DPP6: variants seen among roughly 807,000 people sequenced by gnomAD.
DPP6 encodes the protein dipeptidyl peptidase like 6.
In DPP6, 69 loss-of-function variants were observed where a neutral mutation model predicts 122.6. The observed-to-expected ratio is 0.56, with a 90% CI of 0.46 to 0.69. The LOEUF is 0.69. DPP6 is among the 30% of genes least tolerant of loss of function. The pLI is 0.00. For synonymous variants in DPP6, 418 were observed against 433.1 expected, an observed-to-expected ratio of 0.97 and a Z score of 0.43; for missense variants, 928 against 1,116.9, an observed-to-expected ratio of 0.83 and a Z score of 2.41.
intron 16 of DPP6, among the ~76,000 whole-genome samples, chr7:154,841,793 A>G (rs183045892): frequency 6.6e-6 from 1 of 152,088 alleles, no homozygotes; most frequent in Admixed American, 6.5e-5. Flanking sequence ...GGACTGCTGT[A>G]TGGGAAATAG....
intron 7 of DPP6, among the ~76,000 whole-genome samples, chr7:154,692,771 T>TTC (rs899797900): frequency 2.8e-5 from 4 of 144,454 alleles, no homozygotes; most frequent in African/African-American, 8.4e-5. Flanking sequence ...AAAACTATTA[T>TTC]TCTCTCTCTC....
At chr7:154,753,185 G>A (rs1843484361) in intron 8 of DPP6, among the ~76,000 whole-genome samples, 1 of 152,154 alleles carries the variant, frequency 6.6e-6, no homozygotes, top group Non-Finnish European at 1.5e-5. Flanking sequence ...TTTCTTTGGT[G>A]CTAAATTGTC....
intron 7 of DPP6, among the ~76,000 whole-genome samples, chr7:154,674,688 G>A (rs1177725709): frequency 3.3e-5 from 5 of 152,236 alleles, no homozygotes; most frequent in African/African-American, 1.2e-4. Flanking sequence ...CCATTGGGAA[G>A]TCTTCAACGC....
In DPP6 at chr7:154,176,044, G is replaced by A. The variant is rs138779032; in HGVS notation, c.243+122981G>A. ...TATGACCAAAACTGTCTATGTGCAG[G>A]GTCCCCAGCTGAAGTGGATACATAT... On this transcript the variant is annotated intron_variant, in intron 1 of 25. Coordinates refer to ENST00000377770, the MANE Select transcript of DPP6 (RefSeq NM_130797.4). 6.1e-3 allele frequency among the ~76,000 whole-genome samples: 933 copies of A among 152,150 alleles called. 12 individuals are homozygous for A. Among genetic ancestry groups the A allele is most frequent in the African/African-American group, 0.021 (888 of 41,474 alleles).
intron 8 of DPP6, among the ~76,000 whole-genome samples, chr7:154,758,238 G>A (rs926762579): frequency 3.3e-5 from 5 of 152,306 alleles, no homozygotes; most frequent in Admixed American, 3.3e-4. Context: ...GTGTCAGTCA[G>A]GGCCGGGAAA....
rs1430748090 is a variant in DPP6 at position 154,755,159 on chromosome 7, A to G, written c.884-14258A>G. Among the ~76,000 whole-genome samples, 3 of 151,670 alleles carry G rather than the reference A, an allele frequency of 2.0e-5. No individual in the cohort carries two copies. Among genetic ancestry groups the G allele is most frequent in the Non-Finnish European group, 4.4e-5 (3 of 67,916 alleles). On this transcript the variant is annotated intron_variant, in intron 8 of 25. Coordinates refer to ENST00000377770, the MANE Select transcript of DPP6 (RefSeq NM_130797.4). This position sits in a 1 kb window ranked among gnomAD's most constrained non-coding sequence, Gnocchi z 4.7. ...AAAGTAAAATAAATTAAAAAAAAAAAAAAAAGAAACTGAACACATGTCAGG... is the reference window on the plus strand; with the variant it reads ...AAAGTAAAATAAATTAAAAAAAAAAGAAAAAGAAACTGAACACATGTCAGG...
chr7:154,176,538 A>G lies in DPP6; in HGVS notation c.243+123475A>G, dbSNP rs528363273. Among the ~76,000 whole-genome samples, 149 of 152,374 alleles carry G rather than the reference A, an allele frequency of 9.8e-4. 1 individual carries two copies. Among genetic ancestry groups the G allele is most frequent in the African/African-American group, 3.5e-3 (144 of 41,596 alleles). On this transcript the variant is annotated intron_variant, in intron 1 of 25. Coordinates refer to ENST00000377770, the MANE Select transcript of DPP6 (RefSeq NM_130797.4). ...GTGTGTTTGGTGAAACTTTTGTTTC[A>G]ATGTGTGTGTTTTCACTATATGTGT...
At chr7:154,811,998 G>A (rs1799090731) in intron 16 of DPP6, among the ~76,000 whole-genome samples, 1 of 152,158 alleles carries the variant, frequency 6.6e-6, no homozygotes, top group Admixed American at 6.5e-5. Flanking sequence ...GCTTCTCTAT[G>A]GTAAAATCTG....
At chr7:154,213,627 G>A (rs1178619199) in intron 1 of DPP6, among the ~76,000 whole-genome samples, 1 of 152,192 alleles carries the variant, frequency 6.6e-6, no homozygotes, top group East Asian at 1.9e-4. Flanking sequence ...CAGAAGATGA[G>A]CATTCTGTTT....
intron 1 of DPP6, among the ~76,000 whole-genome samples, chr7:154,074,039 G>C (rs199719312): frequency 0.071 from 1,890 of 26,628 alleles, no homozygotes; most frequent in African/African-American, 0.15. Flanking sequence ...ATGTATGTAT[G>C]TAAGTATCTA....
the DPP6 span, among the ~76,000 whole-genome samples, chr7:153,817,550 G>A: frequency 7.3e-3 from 1,098 of 150,992 alleles, 5 homozygotes; most frequent in African/African-American, 0.016. Context: ...ATTTAAAAAC[G>A]CTAGTTCATC....
chr7:154,447,385 C>T (rs984597935), intron 2 of DPP6, among the ~76,000 whole-genome samples: 2 of 151,854 alleles, frequency 1.3e-5, no homozygotes, highest in African/African-American at 4.8e-5. Context: ...CTGTTTTATC[C>T]GTTCTCATGA....
Position 154,881,094 on chromosome 7 carries a change from C to T in DPP6, c.2133+152C>T, listed in dbSNP as rs1805354390. ...CAAGAGCCTGGGTGCTTAGTGATTC[C>T]AGCCGTGGGAGGTTTCATTTGATCA... On this transcript the variant is annotated intron_variant, in intron 21 of 25. Coordinates refer to ENST00000377770, the MANE Select transcript of DPP6 (RefSeq NM_130797.4). 3 of 1,267,712 alleles carry T rather than the reference C, an allele frequency of 2.4e-6. No homozygotes were observed. The Admixed American group carries it at 9.7e-5, about 41-fold the overall frequency. 78.5% of individuals were successfully genotyped at this position (1,267,712 alleles called of 1,614,324 possible). A position where few individuals can be genotyped will look rare whatever the true frequency, so the allele number is the denominator to read the frequency against.
the DPP6 span, among the ~76,000 whole-genome samples, chr7:153,848,285 C>T: frequency 2.6e-5 from 4 of 151,068 alleles, no homozygotes; most frequent in East Asian, 2.0e-4. Flanking sequence ...GTCCTCACCC[C>T]GCTCCCCGAG....
chr7:153,809,304 T>C, the DPP6 span, among the ~76,000 whole-genome samples: 2 of 152,038 alleles, frequency 1.3e-5, no homozygotes, highest in Non-Finnish European at 2.9e-5. Flanking sequence ...ATTAATTCTC[T>C]GCTTTTCAGT....
At chr7:154,200,197 T>C (rs557533437) in intron 1 of DPP6, among the ~76,000 whole-genome samples, 46 of 152,326 alleles carry the variant, frequency 3.0e-4, no homozygotes, top group African/African-American at 1.0e-3. Context: ...GCTCCTTTTT[T>C]TTTAAACAAT....
intron 1 of DPP6, among the ~76,000 whole-genome samples, chr7:154,390,415 T>G (rs1814515377): frequency 1.3e-5 from 2 of 152,034 alleles, no homozygotes; most frequent in Non-Finnish European, 2.9e-5. Context: ...TTGAGTTTTT[T>G]TTATTCTTTG....
At chr7:154,554,630 C>T (rs1829883256) in intron 4 of DPP6, among the ~76,000 whole-genome samples, 2 of 152,128 alleles carry the variant, frequency 1.3e-5, no homozygotes, top group South Asian at 4.1e-4. Flanking sequence ...GATCATCATA[C>T]ATGTAGACCA....
chr7:154,644,726 A>G (rs1440957012), intron 6 of DPP6, among the ~76,000 whole-genome samples: 1 of 124,896 alleles, frequency 8.0e-6, no homozygotes, highest in Admixed American at 7.8e-5. Flanking sequence ...TTTTTTTTTT[A>G]AGATACAGAG....
Sources: allele counts gnomAD v4.1 joint callset (sites outside exome capture counted in the v4.1 genomes callset), GRCh38; gene constraint gnomAD v4.1.1; non-coding constraint Gnocchi (gnomAD v3.1); transcripts MANE v1.5; gene names NCBI Gene and HGNC (gene_info 2026-07-23, HGNC 2026-07-21).